SPOCK1: variants seen among roughly 807,000 people sequenced by gnomAD.
SPOCK1 encodes the protein testican-1.
SPOCK1 carries 23 observed loss-of-function variants against 55.3 expected under a neutral mutation model. The ratio of observed to expected loss-of-function variants is 0.42; its 90% confidence interval spans 0.30 to 0.59. The LOEUF is 0.59. Ranked by LOEUF, SPOCK1 falls within the 20% of genes least tolerant of loss-of-function variation. The probability of loss-of-function intolerance (pLI) is 0.22; values close to 1 mark genes in which losing one functional copy is unlikely to be tolerated. For synonymous variants in SPOCK1, 226 were observed against 221.0 expected (o/e 1.02, Z -0.20); for missense variants, 499 against 552.5 (o/e 0.90, Z 0.97).
At chr5:137,220,834 G>T (rs573397610) in intron 3 of SPOCK1, among the ~76,000 whole-genome samples, 1 of 152,224 alleles carries the variant, frequency 6.6e-6, no homozygotes, top group African/African-American at 2.4e-5. Context: ...AGCCTTTCTC[G>T]GGCACACACA....
intron 4 of SPOCK1, among the ~76,000 whole-genome samples, chr5:137,131,008 C>A (rs184208669): frequency 6.6e-6 from 1 of 152,300 alleles, no homozygotes; most frequent in East Asian, 1.9e-4. Context: ...CTAAAGATAG[C>A]CTTGAACGTC....
intron 2 of SPOCK1, among the ~76,000 whole-genome samples, chr5:137,486,614 A>C (rs1276940726): frequency 6.6e-6 from 1 of 152,216 alleles, no homozygotes; most frequent in South Asian, 2.1e-4. Flanking sequence ...AACCTACTGA[A>C]TCAGTGCACC....
chr5:137,058,936 C>T (rs957228082), intron 6 of SPOCK1, among the ~76,000 whole-genome samples: 2 of 152,120 alleles, frequency 1.3e-5, no homozygotes, highest in African/African-American at 2.4e-5. Flanking sequence ...TAACAGAGGA[C>T]CAGAGCATGT....
intron 4 of SPOCK1, among the ~76,000 whole-genome samples, chr5:137,129,200 C>T (rs1397401727): frequency 1.3e-5 from 2 of 152,166 alleles, no homozygotes; most frequent in South Asian, 2.1e-4. Context: ...GAAGCACAGG[C>T]CTCCCCTTTC....
rs559332784 is a variant in SPOCK1, at chr5:137,259,406, G to A, written c.232+7604C>T. ...ACACAAGAACAGAAAACCAAACACT[G>A]CATGTTCTCACTCATAAGTGGGAGT... On this transcript the variant is annotated intron_variant, in intron 3 of 10. Coordinates refer to ENST00000394945, the MANE Select transcript of SPOCK1 (RefSeq NM_004598.4). Among the ~76,000 whole-genome samples, 58 of 152,248 alleles carry A rather than the reference G, an allele frequency of 3.8e-4. No homozygotes were observed. In the South Asian group the frequency reaches 0.012, roughly 31 times the overall value.
intron 6 of SPOCK1, among the ~76,000 whole-genome samples, chr5:137,028,513 A>T (rs1330004134): frequency 6.6e-6 from 1 of 152,134 alleles, no homozygotes; most frequent in Non-Finnish European, 1.5e-5. Flanking sequence ...AGACACTGAG[A>T]GAGAATGTAT....
chr5:137,244,000 T>C (rs1216877424), intron 3 of SPOCK1, among the ~76,000 whole-genome samples: 1 of 152,186 alleles, frequency 6.6e-6, no homozygotes, highest in African/African-American at 2.4e-5. Context: ...ATGGCCCTCT[T>C]TCCCAACAGT....
intron 2 of SPOCK1, among the ~76,000 whole-genome samples, chr5:137,484,121 C>T (rs561700717): frequency 1.3e-5 from 2 of 152,180 alleles, no homozygotes; most frequent in Admixed American, 6.5e-5. Context: ...CCCCTCTCAA[C>T]CTCCTCCACC....
At chr5:137,298,811 G>C (rs1035624483) in intron 2 of SPOCK1, among the ~76,000 whole-genome samples, 7 of 151,956 alleles carry the variant, frequency 4.6e-5, no homozygotes, top group African/African-American at 1.4e-4. Context: ...TGTCACTCAA[G>C]TTTTCTTATT....
intron 3 of SPOCK1, among the ~76,000 whole-genome samples, chr5:137,261,647 G>A (rs1756744673): frequency 6.6e-6 from 1 of 152,146 alleles, no homozygotes; most frequent in South Asian, 2.1e-4. Flanking sequence ...AACATCTGAG[G>A]TTTATCTACA....
chr5:137,024,609 T>TAA (rs199966891), intron 6 of SPOCK1, among the ~76,000 whole-genome samples: 6,322 of 132,512 alleles, frequency 0.048, 153 homozygotes, highest in South Asian at 0.12. Context: ...ATCTGACATG[T>TAA]AAAAAAAAAA....
chr5:137,376,517 C>T (rs1020885380), intron 2 of SPOCK1, among the ~76,000 whole-genome samples: 6 of 152,162 alleles, frequency 3.9e-5, no homozygotes, highest in Non-Finnish European at 8.8e-5. Flanking sequence ...GGTCCTCAGC[C>T]GTAGAGCTCC....
intron 6 of SPOCK1, among the ~76,000 whole-genome samples, chr5:137,033,354 C>T (rs2126986833): frequency 6.6e-6 from 1 of 152,306 alleles, no homozygotes; most frequent in South Asian, 2.1e-4. Flanking sequence ...ATTTGCATGC[C>T]TTTGCATTTG....
chr5:137,372,221 G>A (rs761353782), intron 2 of SPOCK1, among the ~76,000 whole-genome samples: 1 of 151,866 alleles, frequency 6.6e-6, no homozygotes, highest in Admixed American at 6.6e-5. Context: ...GATAAAACAG[G>A]AAGAAACTTC....
At chr5:137,265,088 G>T (rs1047381720) in intron 3 of SPOCK1, among the ~76,000 whole-genome samples, 1 of 152,150 alleles carries the variant, frequency 6.6e-6, no homozygotes, top group African/African-American at 2.4e-5. Flanking sequence ...ATTCCTAGGA[G>T]AGAAAAATCC....
intron 2 of SPOCK1, among the ~76,000 whole-genome samples, chr5:137,330,826 A>T (rs1320641842): frequency 6.6e-6 from 1 of 152,234 alleles, no homozygotes; most frequent in Non-Finnish European, 1.5e-5. Flanking sequence ...CAAGCCAAGC[A>T]CTATTCAGCC....
intron 3 of SPOCK1, among the ~76,000 whole-genome samples, chr5:137,217,928 C>T (rs1319010148): frequency 6.6e-6 from 1 of 151,054 alleles, no homozygotes; most frequent in Non-Finnish European, 1.5e-5. Flanking sequence ...CACTATCTTA[C>T]TTACCCAACC....
chr5:137,054,726 A>G (rs1010638142), intron 6 of SPOCK1, among the ~76,000 whole-genome samples: 2 of 152,246 alleles, frequency 1.3e-5, no homozygotes, highest in Non-Finnish European at 2.9e-5. Flanking sequence ...TCATAATAGG[A>G]AGCAGAAATG....
At chr5:137,198,735 T>C (rs1482542387) in intron 3 of SPOCK1, among the ~76,000 whole-genome samples, 1 of 152,200 alleles carries the variant, frequency 6.6e-6, no homozygotes, top group African/African-American at 2.4e-5. Context: ...TGGCGTGTTG[T>C]TTGATTTTTG....
Sources: allele counts gnomAD v4.1 joint callset (sites outside exome capture counted in the v4.1 genomes callset), GRCh38; gene constraint gnomAD v4.1.1; transcripts MANE v1.5; gene names NCBI Gene and HGNC (gene_info 2026-07-23, HGNC 2026-07-21).